EIF2AK2: variants seen among roughly 807,000 people sequenced by gnomAD.
EIF2AK2 encodes the protein eukaryotic translation initiation factor 2 alpha kinase 2, also known as interferon-induced, double-stranded RNA-activated protein kinase.
EIF2AK2 carries 40 observed loss-of-function variants against 70.5 expected under a neutral mutation model. That is an observed-to-expected ratio of 0.57 (90% confidence interval 0.44 to 0.74). The LOEUF is 0.74. Among genes scored for constraint, EIF2AK2 ranks in the 30% least tolerant of loss-of-function variants. The pLI is 0.00. For missense variants in EIF2AK2, 555 were observed against 644.3 expected (o/e 0.86, Z 1.50); for synonymous variants, 198 against 220.9 (o/e 0.90, Z 0.92).
At chr2:37,139,897 A>G (rs752862130) in intron 5 of EIF2AK2, 140 bp from the exon 6 acceptor site, 131 of 917,540 alleles carry the variant, frequency 1.4e-4, no homozygotes, top group Middle Eastern at 3.5e-4. Flanking sequence ...CATATCTTGC[A>G]TAATTTAAAC....
Position 37,141,652 on chromosome 2 carries a change from G to C in EIF2AK2, c.290C>G (p.Ser97Cys). The change falls in exon 5 of 17, where the codon TCC becomes TGC. Residue 97 changes from serine (S) to cysteine (C), a missense_variant. By Grantham distance (112) the Ser-to-Cys change is moderately radical. Coordinates refer to ENST00000233057, the MANE Select transcript of EIF2AK2 (RefSeq NM_001135651.3). ...GATAAGGCCTATGTAATTCCCCATGGATAATCCTTCTGAAGAATTCGTTGT... is the reference window on the plus strand; with the variant it reads ...GATAAGGCCTATGTAATTCCCCATGCATAATCCTTCTGAAGAATTCGTTGT... The part of the protein sequence containing the change: ...LTTTNSSEGL[S>C]MGNYIGLINR... The C allele has an allele frequency of 6.2e-7, 1 of 1,613,800 alleles. No individual in the cohort carries two copies. Among genetic ancestry groups the C allele is most frequent in the Non-Finnish European group, 8.5e-7 (1 of 1,179,918 alleles).
intron 1 of EIF2AK2, among the ~76,000 whole-genome samples, 189 bp downstream of exon 1, chr2:37,156,719 G>A (rs1675942045): frequency 6.6e-6 from 1 of 152,152 alleles, no homozygotes; most frequent in Admixed American, 6.5e-5. Context: ...CCCACACCCG[G>A]GCTGCGGACC....
At chr2:37,156,342 G>C (rs1445537323) in intron 1 of EIF2AK2, among the ~76,000 whole-genome samples, 1 of 152,134 alleles carries the variant, frequency 6.6e-6, no homozygotes, top group Non-Finnish European at 1.5e-5. Context: ...GAGCAGGGGA[G>C]AGTCTGGTTC....
At chr2:37,149,780 TGACCA>T (rs1675679892) in intron 1 of EIF2AK2, among the ~76,000 whole-genome samples, 1 of 152,212 alleles carries the variant, frequency 6.6e-6, no homozygotes, top group South Asian at 2.1e-4. Context: ...TCATGATCAG[TGACCA>T]GTCGTGTTAC....
chr2:37,136,867 G>A (rs1421818771), intron 9 of EIF2AK2, 116 bp downstream of exon 9: 2 of 932,088 alleles, frequency 2.1e-6, no homozygotes, highest in African/African-American at 1.7e-5. Flanking sequence ...CAAGCTTTCT[G>A]CTTCTGAAAC....
At position 37,106,402 on chromosome 2, in the gene EIF2AK2, T is replaced by C. The variant is rs117657563; in HGVS notation, c.*871A>G. On this transcript the variant is annotated 3_prime_UTR_variant, in exon 17 of 17. Coordinates refer to ENST00000233057, the MANE Select transcript of EIF2AK2 (RefSeq NM_001135651.3). ...TAATTTTTTTAATCCATTCTTCTTT[T>C]GATGTGCATTATGGTTGTTCCCTGT... 29 of 152,326 alleles carry C rather than the reference T, an allele frequency of 1.9e-4. 1 individual carries two copies. In the East Asian group the frequency reaches 5.6e-3, roughly 29 times the overall value. The allele number at this position is 152,326 out of a possible 1,614,324, so 9.4% of individuals were successfully genotyped here. A position where few individuals can be genotyped will look rare whatever the true frequency, so the allele number is the denominator to read the frequency against.
intron 11 of EIF2AK2, among the ~76,000 whole-genome samples, chr2:37,123,251 G>C (rs1558415211): frequency 6.6e-6 from 1 of 152,042 alleles, no homozygotes; most frequent in Non-Finnish European, 1.5e-5. Flanking sequence ...TGAAATGCCA[G>C]TGATGTCATT....
At chr2:37,111,159 G>A (rs929783969) in intron 14 of EIF2AK2, among the ~76,000 whole-genome samples, 1 of 152,154 alleles carries the variant, frequency 6.6e-6, no homozygotes, top group Non-Finnish European at 1.5e-5. Flanking sequence ...GAGGAGAATA[G>A]GAGTTCTTTA....
Position 37,122,520 on chromosome 2 carries a change from G to C in EIF2AK2, c.1053C>G (p.Ser351Arg). 1 of 1,608,794 alleles carries C rather than the reference G, an allele frequency of 6.2e-7. No homozygotes were observed. The highest frequency in any genetic ancestry group is 8.5e-7 in the Non-Finnish European group (1 of 1,178,848). The change falls in exon 12 of 17, where the codon AGC becomes AGG. Residue 351 changes from serine to arginine, a missense_variant. Around this residue, in one of 3 missense-constraint regions of EIF2AK2, gnomAD observed 299 missense variants for 375.4 expected, o/e 0.80. Transcript: ENST00000233057. The stretch of plus-strand genomic sequence containing the variant: ...TTTTTAGTTACCTTGAACTATTTTT[G>C]CTGTTCTCAGGATCATAATCACTGC... Reference protein sequence around the residue: ...LESSDYDPENSKNSSRSKTKC... With the variant: ...LESSDYDPENRKNSSRSKTKC...
In EIF2AK2 at chr2:37,100,740, G is replaced by A. The variant is rs1673808386; in HGVS notation, c.*6533C>T. 6.6e-6 allele frequency: 1 copy of A among 152,172 alleles called. No homozygotes were observed. Among genetic ancestry groups the A allele is most frequent in the Non-Finnish European group, 1.5e-5 (1 of 68,054 alleles). 9.4% of individuals were successfully genotyped at this position (152,172 alleles called of 1,614,324 possible). On this transcript the variant is annotated 3_prime_UTR_variant, in exon 17 of 17. Coordinates refer to ENST00000233057, the MANE Select transcript of EIF2AK2 (RefSeq NM_001135651.3). ...TTCCTACAGTCTCCTCCTATCTTCA[G>A]TGCAGTGTTCTGGCAGCACCTCAAG...
Position 37,103,750 on chromosome 2 carries a change from C to T in EIF2AK2, c.*3523G>A, listed in dbSNP as rs1168103460. ...GCTAATATTTTGCCACATGTGTGCC[C>T]TCTTTCTCTCTCCATGTTGATTTTT... On this transcript the variant is annotated 3_prime_UTR_variant, in exon 17 of 17. Transcript: ENST00000233057. 1 of 152,176 alleles carries T rather than the reference C, an allele frequency of 6.6e-6. No homozygotes were observed. Among genetic ancestry groups the T allele is most frequent in the Non-Finnish European group, 1.5e-5 (1 of 68,030 alleles). The allele number at this position is 152,176 out of a possible 1,614,324, so 9.4% of individuals were successfully genotyped here. A position where few individuals can be genotyped will look rare whatever the true frequency, so the allele number is the denominator to read the frequency against.
At chr2:37,113,681 G>A (rs964361849) in intron 14 of EIF2AK2, among the ~76,000 whole-genome samples, 10 of 151,934 alleles carry the variant, frequency 6.6e-5, no homozygotes, top group Admixed American at 5.3e-4. Flanking sequence ...ATTGGGAAAG[G>A]ATATGAGTAG....
chr2:37,112,297 C>A (rs916331779), intron 14 of EIF2AK2, among the ~76,000 whole-genome samples: 1 of 152,134 alleles, frequency 6.6e-6, no homozygotes, highest in African/African-American at 2.4e-5. Context: ...GAAATAGACC[C>A]TTGGTATTTT....
intron 14 of EIF2AK2, among the ~76,000 whole-genome samples, chr2:37,111,937 CTCTATA>C (rs1330840713): frequency 1.5e-5 from 2 of 129,830 alleles, no homozygotes; most frequent in African/African-American, 5.7e-5. Context: ...CTCTCTCTCT[CTCTATA>C]TATATATATA....
In EIF2AK2 at chr2:37,141,756, T is replaced by C. The variant is rs890706635; in HGVS notation, c.241-55A>G. 23 of 1,482,770 alleles carry C rather than the reference T, an allele frequency of 1.6e-5. No homozygotes were observed. In the African/African-American group the frequency reaches 3.2e-4, roughly 20 times the overall value. The allele number at this position is 1,482,770 out of a possible 1,614,324, so 91.9% of individuals were successfully genotyped here. ...TAAATGACAACAAAGATTTAACCTT[T>C]TAAAAATCATTCTTCTAATAAAATT... On this transcript the variant is annotated intron_variant, in intron 4 of 16. Transcript: ENST00000233057.
chr2:37,148,793 T>C lies in EIF2AK2; in HGVS notation c.-17+64A>G, dbSNP rs1172289538. On this transcript the variant is annotated intron_variant, in intron 2 of 16. Transcript: ENST00000233057. ...ACACAAAAAACTAGCCCCCCAGAAT[T>C]TGCATGTAATTGACTTAGATGATGC... is the stretch of plus-strand genomic sequence containing the variant. The C allele has an allele frequency of 1.7e-5, 14 of 820,472 alleles. No individual in the cohort carries two copies. The East Asian group carries it at 2.9e-4, about 17-fold the overall frequency. 50.8% of individuals were successfully genotyped at this position (820,472 alleles called of 1,614,324 possible). A position where few individuals can be genotyped will look rare whatever the true frequency, so the allele number is the denominator to read the frequency against.
intron 14 of EIF2AK2, among the ~76,000 whole-genome samples, chr2:37,113,999 A>T (rs1674248736): frequency 1.3e-5 from 2 of 152,348 alleles, no homozygotes; most frequent in South Asian, 4.1e-4. Flanking sequence ...GGGACCCAAA[A>T]TAAGGAGGAA....
intron 8 of EIF2AK2, among the ~76,000 whole-genome samples, chr2:37,137,973 T>C (rs1442472071): frequency 6.6e-6 from 1 of 151,838 alleles, no homozygotes; most frequent in Non-Finnish European, 1.5e-5. Context: ...TAGCCAGGTG[T>C]GGTACACGCG....
intron 1 of EIF2AK2, among the ~76,000 whole-genome samples, chr2:37,155,007 C>T (rs549515509): frequency 3.2e-4 from 48 of 152,018 alleles, no homozygotes; most frequent in African/African-American, 1.0e-3. Context: ...TCACTGGGCC[C>T]GGTCCTTAGA....
Sources: allele counts gnomAD v4.1 joint callset (sites outside exome capture counted in the v4.1 genomes callset), GRCh38; gene constraint gnomAD v4.1.1; regional missense constraint gnomAD v4.1.1; transcripts MANE v1.5; gene names NCBI Gene and HGNC (gene_info 2026-07-23, HGNC 2026-07-21).